Variants in DENND1A observed in about 807,000 individuals in gnomAD.
The protein encoded by DENND1A is DENN domain-containing protein 1A.
A neutral mutation model predicts 113.7 loss-of-function variants in DENND1A; 51 were observed. That is an observed-to-expected ratio of 0.45 (90% CI 0.36 to 0.57). DENND1A has a LOEUF of 0.57. Among genes scored for constraint, DENND1A ranks in the 20% least tolerant of loss-of-function variants. The pLI is 0.00. For missense variants in DENND1A, 1,258 were observed against 1,395.9 expected (o/e 0.90, Z 1.57); for synonymous variants, 565 against 570.8 (o/e 0.99, Z 0.14).
intron 2 of DENND1A, among the ~76,000 whole-genome samples, chr9:123,875,287 G>A (rs532699057): frequency 6.1e-4 from 93 of 152,186 alleles, no homozygotes; most frequent in African/African-American, 2.1e-3. Flanking sequence ...AGGGAGGGAG[G>A]GGCCTCTGGG....
chr9:123,833,604 G>T (rs1927239), intron 2 of DENND1A, among the ~76,000 whole-genome samples: 38,615 of 152,088 alleles, frequency 0.25, 8,971 homozygotes, highest in African/African-American at 0.62. Context: ...GCAGTAAATA[G>T]TCCTGAATGT....
intron 12 of DENND1A, 67 bp from the exon 13 acceptor site, chr9:123,557,762 A>G: frequency 6.4e-7 from 1 of 1,566,302 alleles, no homozygotes; most frequent in South Asian, 1.2e-5. Context: ...GACTAAGCCC[A>G]CTACATATGG....
chr9:123,601,423 G>A (rs1355915500), intron 11 of DENND1A, among the ~76,000 whole-genome samples: 1 of 152,192 alleles, frequency 6.6e-6, no homozygotes, highest in East Asian at 1.9e-4. Flanking sequence ...AGCTTCTAAG[G>A]GAAATCTATC....
At chr9:123,769,796 G>T (rs946001994) in intron 3 of DENND1A, among the ~76,000 whole-genome samples, 4 of 152,148 alleles carry the variant, frequency 2.6e-5, no homozygotes, top group Non-Finnish European at 1.5e-5. Context: ...TGGGCAAGCA[G>T]CAGGAGCCAT....
chr9:123,602,498 A>G (rs1317299163), intron 11 of DENND1A, among the ~76,000 whole-genome samples: 1 of 152,156 alleles, frequency 6.6e-6, no homozygotes, highest in Non-Finnish European at 1.5e-5. Flanking sequence ...AATATCTCCT[A>G]CTTCGCAGAG....
rs187218739 is a variant in DENND1A, at chr9:123,513,709, G to T, written c.993+43861C>A. ...CATCATACCAAGACTTGCTCTTGAT[G>T]ACTGACAGGAAGCAGCTAGCCAGGC... On this transcript the variant is annotated intron_variant, in intron 13 of 23. Coordinates refer to ENST00000394215, the MANE Select transcript of DENND1A (RefSeq NM_001352964.2). Among the ~76,000 whole-genome samples, 568 of 152,344 alleles carry T rather than the reference G, an allele frequency of 3.7e-3. 3 individuals carry two copies. The highest frequency in any genetic ancestry group is 0.013 in the African/African-American group (540 of 41,576).
chr9:123,584,256 C>T (rs779258460), intron 11 of DENND1A, among the ~76,000 whole-genome samples: 2 of 152,196 alleles, frequency 1.3e-5, no homozygotes, highest in Non-Finnish European at 2.9e-5. Context: ...ATGTGAAAGA[C>T]CTCATCTTAC....
chr9:123,482,205 C>T (rs2133738481), intron 13 of DENND1A, among the ~76,000 whole-genome samples: 1 of 152,332 alleles, frequency 6.6e-6, no homozygotes, highest in South Asian at 2.1e-4. Flanking sequence ...TCAAGTGATT[C>T]TTGTGCCTCA....
At chr9:123,898,619 T>C (rs922596497) in intron 1 of DENND1A, among the ~76,000 whole-genome samples, 8 of 152,206 alleles carry the variant, frequency 5.3e-5, no homozygotes, top group Non-Finnish European at 1.2e-4. Flanking sequence ...CATGCCCAGC[T>C]GATATATGTT....
chr9:123,429,898 G>A (rs2046010473), intron 19 of DENND1A, among the ~76,000 whole-genome samples: 1 of 152,132 alleles, frequency 6.6e-6, no homozygotes, highest in Non-Finnish European at 1.5e-5. Context: ...ATTATCATCA[G>A]AGTGAACAGA....
At chr9:123,475,257 G>A (rs1188648544) in intron 13 of DENND1A, among the ~76,000 whole-genome samples, 1 of 152,200 alleles carries the variant, frequency 6.6e-6, no homozygotes, top group Non-Finnish European at 1.5e-5. Flanking sequence ...GGCCTCAAGT[G>A]ATCCGCCCAC....
intron 20 of DENND1A, among the ~76,000 whole-genome samples, chr9:123,409,681 G>A (rs1200809402): frequency 6.6e-6 from 1 of 152,042 alleles, no homozygotes; most frequent in African/African-American, 2.4e-5. Flanking sequence ...ACTGTGAGGC[G>A]CAGCTGGGAT....
At chr9:123,476,130 G>C (rs2049890504) in intron 13 of DENND1A, among the ~76,000 whole-genome samples, 1 of 151,926 alleles carries the variant, frequency 6.6e-6, no homozygotes, top group East Asian at 1.9e-4. Flanking sequence ...GCTACAGTGA[G>C]CTGAGATCGC....
At chr9:123,394,433 G>A (rs983150985) in intron 21 of DENND1A, among the ~76,000 whole-genome samples, 2 of 152,168 alleles carry the variant, frequency 1.3e-5, no homozygotes, top group African/African-American at 4.8e-5. Context: ...GCCAGCGCAA[G>A]GATGAGAGGT....
chr9:123,489,905 C>G (rs2051222690), intron 13 of DENND1A, among the ~76,000 whole-genome samples: 1 of 152,180 alleles, frequency 6.6e-6, no homozygotes, highest in South Asian at 2.1e-4. Context: ...GTTCTGATCC[C>G]AACCGACATC....
intron 19 of DENND1A, among the ~76,000 whole-genome samples, chr9:123,412,508 G>T (rs1044427062): frequency 6.6e-6 from 1 of 152,236 alleles, no homozygotes; most frequent in Non-Finnish European, 1.5e-5. Flanking sequence ...CCCTATGCCT[G>T]CAGGCTCTGT....
intron 10 of DENND1A, among the ~76,000 whole-genome samples, 172 bp downstream of exon 10, chr9:123,630,204 C>CTTTTTTTT (rs11324537): frequency 4.3e-5 from 4 of 94,094 alleles, no homozygotes; most frequent in Non-Finnish European, 7.6e-5. Flanking sequence ...CCATGACTGG[C>CTTTTTTTT]TTTTTTTTTT....
At chr9:123,389,140 G>A (rs1189753084) in intron 21 of DENND1A, among the ~76,000 whole-genome samples, 2 of 152,276 alleles carry the variant, frequency 1.3e-5, no homozygotes, top group Admixed American at 6.5e-5. Flanking sequence ...GAGAGACAGT[G>A]GCTGCGCAGG....
At chr9:123,534,887 C>A (rs2055612447) in intron 13 of DENND1A, among the ~76,000 whole-genome samples, 1 of 152,188 alleles carries the variant, frequency 6.6e-6, no homozygotes, top group South Asian at 2.1e-4. Context: ...TATTATCTTC[C>A]TGTCTGTGGC....
Sources: allele counts gnomAD v4.1 joint callset (sites outside exome capture counted in the v4.1 genomes callset), GRCh38; gene constraint gnomAD v4.1.1; transcripts MANE v1.5; gene names NCBI Gene and HGNC (gene_info 2026-07-23, HGNC 2026-07-21).